Variants in RBL1 observed in about 807,000 individuals in gnomAD.
RBL1 encodes the protein retinoblastoma-like protein 1.
RBL1 carries 82 observed loss-of-function variants against 123.0 expected under a neutral mutation model. The ratio of observed to expected loss-of-function variants is 0.67; its 90% CI spans 0.56 to 0.80. RBL1 has a LOEUF of 0.80. Ranked by LOEUF, RBL1 falls within the 30% of genes least tolerant of loss-of-function variation. The pLI, the probability that RBL1 is intolerant of heterozygous loss-of-function variation, is 0.00. For missense variants in RBL1, 1,171 were observed against 1,299.6 expected (o/e 0.90, Z 1.52); for synonymous variants, 405 against 441.3 (o/e 0.92, Z 1.03).
At chr20:37,069,553 A>C (rs1346676128) in intron 2 of RBL1, among the ~76,000 whole-genome samples, 2 of 145,612 alleles carry the variant, frequency 1.4e-5, no homozygotes, top group Admixed American at 6.8e-5. Flanking sequence ...GGTGAGGAGC[A>C]TCTCTGCCCG....
In RBL1 at chr20:37,022,846, A is replaced by G. The variant is rs754949513; in HGVS notation, c.2383-20T>C. On this transcript the variant is annotated intron_variant, in intron 16 of 21. Transcript: ENST00000373664. Reference sequence around the variant, plus strand: ...ATAGACCTAAAATAGAAGGTAACACATTGATGCAAAACACCAAGTAAATCA... The same window carrying G: ...ATAGACCTAAAATAGAAGGTAACACGTTGATGCAAAACACCAAGTAAATCA... 2 of 1,571,222 alleles carry G rather than the reference A, an allele frequency of 1.3e-6. No homozygotes were observed. Among genetic ancestry groups the G allele is most frequent in the South Asian group, 2.3e-5 (2 of 87,780 alleles).
chr20:37,083,871 GT>G (rs1489055338), intron 2 of RBL1, among the ~76,000 whole-genome samples: 2 of 150,354 alleles, frequency 1.3e-5, no homozygotes, highest in Non-Finnish European at 3.0e-5. Flanking sequence ...AAAAGACTTA[GT>G]TTTCTTTTTT....
chr20:37,066,656 A>G, intron 6 of RBL1, 68 bp downstream of exon 6: 1 of 1,462,904 alleles, frequency 6.8e-7, no homozygotes, highest in Non-Finnish European at 9.4e-7. Context: ...CTTGCTTAAA[A>G]CATTTTTTTC....
At position 37,055,564 on chromosome 20, in the gene RBL1, T is replaced by C. The variant is rs1255232020; in HGVS notation, c.1456A>G (p.Met486Val). 8 of 1,614,000 alleles carry C rather than the reference T, an allele frequency of 5.0e-6. No individual in the cohort carries two copies. The highest frequency in any genetic ancestry group is 1.3e-5 in the African/African-American group (1 of 74,928). ...GTGGATTTACTTACTGACATGTCCA[T>C]TCCATGAAGTCTTCGTGTTTCCTGA... Reference protein sequence around the residue: ...MVQETRRLHGMDMSVLLEQDI... With the variant: ...MVQETRRLHGVDMSVLLEQDI... Residue 486 changes from methionine (M) to valine (V), a missense_variant, in exon 11 of 22, where the codon ATG (methionine) becomes GTG (valine). By Grantham distance (21) the Met-to-Val change is conservative. Transcript: ENST00000373664.
rs575871066 is a variant in RBL1 at position 37,075,460 on chromosome 20, CT to C, written c.291-7275del. 1.4e-3 allele frequency among the ~76,000 whole-genome samples: 210 copies of C among 148,892 alleles called. 1 individual carries two copies. The highest frequency in any genetic ancestry group is 1.9e-3 in the Non-Finnish European group (125 of 66,784). On this transcript the variant is annotated intron_variant, in intron 2 of 21. Coordinates refer to ENST00000373664, the MANE Select transcript of RBL1 (RefSeq NM_002895.5). ...TATGTTAGAAATATTAATTTGTTCACTTTTTTTTTTGTTGAGATGGAGTCTC... is the reference window on the plus strand; with the variant it reads ...TATGTTAGAAATATTAATTTGTTCACTTTTTTTTTGTTGAGATGGAGTCTC...
chr20:37,032,177 T>C (rs938213915), intron 16 of RBL1, among the ~76,000 whole-genome samples: 4 of 152,184 alleles, frequency 2.6e-5, no homozygotes, highest in Admixed American at 2.6e-4. Flanking sequence ...AGTATATTCA[T>C]ATGATGGAAT....
rs543963655 is a variant in RBL1 at position 37,006,426 on chromosome 20, C to G, written c.2871+985G>C. Among the ~76,000 whole-genome samples the G allele has an allele frequency of 3.3e-3, 499 of 151,146 alleles. 3 individuals are homozygous for G. Among genetic ancestry groups the G allele is most frequent in the African/African-American group, 0.011 (471 of 41,238 alleles). ...CAGGCTGGTCTCAAACTCCTGACCT[C>G]TGGTGATCCGCCCGCCTAGGCCTCC... On this transcript the variant is annotated intron_variant, in intron 20 of 21. Transcript: ENST00000373664.
chr20:37,000,896 T>C (rs1401500114), intron 21 of RBL1, among the ~76,000 whole-genome samples: 20 of 109,780 alleles, frequency 1.8e-4, no homozygotes, highest in South Asian at 3.1e-4. Flanking sequence ...AGGAGGGAGG[T>C]GGGGGGGTCA....
chr20:37,072,129 T>G (rs1297844561), intron 2 of RBL1, among the ~76,000 whole-genome samples: 1 of 152,166 alleles, frequency 6.6e-6, no homozygotes, highest in Non-Finnish European at 1.5e-5. Context: ...TACTAAATAT[T>G]TTTTGGCTTA....
At chr20:37,072,794 A>C (rs2065303077) in intron 2 of RBL1, among the ~76,000 whole-genome samples, 1 of 152,196 alleles carries the variant, frequency 6.6e-6, no homozygotes, top group South Asian at 2.1e-4. Flanking sequence ...TAGCCATGCA[A>C]ACTATGTCCC....
At position 37,078,593 on chromosome 20, in the gene RBL1, A is replaced by C. The variant is rs2065400128; in HGVS notation, c.290+10396T>G. On this transcript the variant is annotated intron_variant, in intron 2 of 21. Transcript: ENST00000373664. Reference sequence around the variant, plus strand: ...AAGCTGTTCCAGATGCATCAGAGAAAACACGTCTGCTAAGCATTGGAATCA... The same window carrying C: ...AAGCTGTTCCAGATGCATCAGAGAACACACGTCTGCTAAGCATTGGAATCA... 2.0e-5 allele frequency among the ~76,000 whole-genome samples: 3 copies of C among 152,178 alleles called. No individual in the cohort carries two copies. The South Asian group carries it at 6.2e-4, about 32-fold the overall frequency.
At chr20:37,077,120 A>G (rs1600589950) in intron 2 of RBL1, among the ~76,000 whole-genome samples, 1 of 151,986 alleles carries the variant, frequency 6.6e-6, no homozygotes, top group East Asian at 1.9e-4. Context: ...GTAGTTTTAG[A>G]GAGACTGGGT....
At position 37,095,904 on chromosome 20, in the gene RBL1, C is replaced by T; in HGVS notation, c.25G>A (p.Glu9Lys). 6.2e-7 allele frequency: 1 copy of T among 1,600,902 alleles called. No individual in the cohort carries two copies. The highest frequency in any genetic ancestry group is 2.2e-5 in the East Asian group (1 of 44,602). Residue 9 changes from glutamate (E) to lysine (K), a missense_variant, in exon 1 of 22, where the codon GAG (glutamate) becomes AAG (lysine). Coordinates refer to ENST00000373664, the MANE Select transcript of RBL1 (RefSeq NM_002895.5). The part of the protein sequence containing the change: MFEDKPHA[E>K]GAAVVAAAGE... ...GCTGCGGCGACCACCGCCGCCCCCT[C>T]AGCGTGGGGCTTGTCCTCGAACATC...
At chr20:37,010,026 A>G (rs1228923547) in intron 19 of RBL1, among the ~76,000 whole-genome samples, 1 of 145,718 alleles carries the variant, frequency 6.9e-6, no homozygotes, top group African/African-American at 2.4e-5. Flanking sequence ...TCTCATCTCT[A>G]AAATTAAAAA....
intron 18 of RBL1, among the ~76,000 whole-genome samples, chr20:37,019,386 TAAG>T (rs1170585799): frequency 1.3e-5 from 2 of 152,146 alleles, no homozygotes; most frequent in Non-Finnish European, 2.9e-5. Context: ...TTACTGGTAT[TAAG>T]AAGATATTCA....
rs1339325927 is a variant in RBL1 at position 37,018,181 on chromosome 20, C to T, written c.2722+98G>A. On this transcript the variant is annotated intron_variant, in intron 19 of 21. Coordinates refer to ENST00000373664, the MANE Select transcript of RBL1 (RefSeq NM_002895.5). ...ACATATGCATTGTCCACCTCACCTC[C>T]TTATGATTCACATTTCCATGTTGTC... The T allele has an allele frequency of 3.7e-6, 5 of 1,344,618 alleles. No individual in the cohort carries two copies. The African/African-American group carries it at 7.6e-5, about 20-fold the overall frequency. 83.3% of individuals were successfully genotyped at this position (1,344,618 alleles called of 1,614,324 possible). A position where few individuals can be genotyped will look rare whatever the true frequency, so the allele number is the denominator to read the frequency against.
At chr20:37,037,853 AT>A (rs2064645957) in intron 14 of RBL1, among the ~76,000 whole-genome samples, 1 of 151,728 alleles carries the variant, frequency 6.6e-6, no homozygotes. Context: ...TGCTTGCCTA[AT>A]TTTTTGTATT....
chr20:37,093,645 A>ATT (rs56745650), intron 1 of RBL1, among the ~76,000 whole-genome samples: 11 of 136,320 alleles, frequency 8.1e-5, no homozygotes, highest in Admixed American at 7.3e-5. Flanking sequence ...GTTTCTTTCC[A>ATT]TTTTTTTTTT....
chr20:37,091,665 CAAAA>C (rs11421608), intron 1 of RBL1, among the ~76,000 whole-genome samples: 3 of 105,922 alleles, frequency 2.8e-5, no homozygotes, highest in Non-Finnish European at 2.0e-5. Flanking sequence ...GACTCTATCT[CAAAA>C]AAAAAAAAAA....
Sources: gnomAD v4.1 joint callset for allele counts (sites outside exome capture counted in the v4.1 genomes callset) on GRCh38, gnomAD v4.1.1 for gene constraint, MANE v1.5 for transcripts, NCBI Gene and HGNC (gene_info 2026-07-23, HGNC 2026-07-21) for gene names.